The following CDH23 variants were observed in gnomAD, a reference collection of about 807,000 sequenced individuals.
CDH23 encodes cadherin related 23, also known as cadherin-23.
A neutral mutation model predicts 317.1 loss-of-function variants in CDH23; 189 were observed. That is an observed-to-expected ratio of 0.60 (90% CI 0.53 to 0.67). The LOEUF (loss-of-function observed/expected upper bound fraction) is 0.67, where lower values mean the gene tolerates loss of function less well. CDH23 is among the 30% of genes least tolerant of loss of function. CDH23 has a pLI of 0.00. For synonymous variants in CDH23, 1,839 were observed against 1,876.8 expected (o/e 0.98, Z 0.52); for missense variants, 4,401 against 4,592.4 (o/e 0.96, Z 1.20).
intron 3 of CDH23, among the ~76,000 whole-genome samples, chr10:71,504,574 A>G (rs115112766): frequency 0.017 from 2,606 of 152,256 alleles, 60 homozygotes; most frequent in African/African-American, 0.054. Flanking sequence ...ATGAGGTTAG[A>G]CTGGGCATGG....
rs74147036 is a variant in CDH23, at chr10:71,712,871, C to T, written c.3369+58C>T. 6,246 of 1,575,764 alleles carry T rather than the reference C, an allele frequency of 4.0e-3. 244 individuals are homozygous for T. In the African/African-American group the frequency reaches 0.073, roughly 19 times the overall value. ...GGGCTGGGGGAGGCGGAGCCACACACGGCCCTGAGGGCACATGCTCAGTGG... is the reference window on the plus strand; with the variant it reads ...GGGCTGGGGGAGGCGGAGCCACACATGGCCCTGAGGGCACATGCTCAGTGG... On this transcript the variant is annotated intron_variant, in intron 28 of 69. Transcript: ENST00000224721.
In CDH23 at chr10:71,675,193, A is replaced by C; in HGVS notation, c.1514+17A>C. 6.2e-7 allele frequency: 1 copy of C among 1,610,790 alleles called. No homozygotes were observed. Among genetic ancestry groups the C allele is most frequent in the South Asian group, 1.1e-5 (1 of 90,966 alleles). The stretch of plus-strand genomic sequence containing the variant: ...CCCTGACAGGTGAGACTCTGCCCAC[A>C]GCCCCTCAGGCCCCTCCGCAGTGGT... On this transcript the variant is annotated intron_variant, in intron 15 of 69. Transcript: ENST00000224721.
At chr10:71,705,416 C>G (rs914741402) in intron 25 of CDH23, among the ~76,000 whole-genome samples, 4 of 152,184 alleles carry the variant, frequency 2.6e-5, no homozygotes, top group Admixed American at 2.6e-4. Context: ...ATCGTGGCAA[C>G]AGCAGAGAGG....
At chr10:71,708,056 C>A (rs1865854230) in intron 26 of CDH23, among the ~76,000 whole-genome samples, 1 of 152,188 alleles carries the variant, frequency 6.6e-6, no homozygotes, top group Non-Finnish European at 1.5e-5. Flanking sequence ...TACTAAGACC[C>A]CTCACATGGC....
At position 71,810,447 on chromosome 10, in the gene CDH23, C is replaced by A. The variant is rs372752806; in HGVS notation, c.8980-25C>A. 2.4e-4 allele frequency: 392 copies of A among 1,610,814 alleles called. No individual in the cohort carries two copies. The African/African-American group carries it at 4.5e-3, about 19-fold the overall frequency. Reference sequence around the variant, plus strand: ...GTGGCCCCCTGCTGTGGTGGCCACACCCTACAATACCCCTTCTCATCTAGT... The same window carrying A: ...GTGGCCCCCTGCTGTGGTGGCCACAACCTACAATACCCCTTCTCATCTAGT... On this transcript the variant is annotated intron_variant, in intron 61 of 69. Coordinates refer to ENST00000224721, the MANE Select transcript of CDH23 (RefSeq NM_022124.6).
intron 1 of CDH23, among the ~76,000 whole-genome samples, chr10:71,427,206 AAAG>A (rs1849126942): frequency 1.4e-5 from 1 of 71,250 alleles, no homozygotes; most frequent in African/African-American, 6.1e-5. Flanking sequence ...AGAAAGAAAG[AAAG>A]AAAGAAAGAA....
In CDH23 at chr10:71,793,517, A is replaced by T; in HGVS notation, c.6589A>T (p.Thr2197Ser). The T allele has an allele frequency of 1.2e-6, 2 of 1,613,770 alleles. No homozygotes were observed. The highest frequency in any genetic ancestry group is 1.7e-6 in the Non-Finnish European group (2 of 1,179,832). The change falls in exon 48 of 70, where the codon ACG (threonine) becomes TCG (serine). Residue 2197 changes from threonine (T) to serine (S), a missense_variant. Transcript: ENST00000224721. ...GCCAGGCACTGTCATTGCCAATATCACGGCCATTGACCACGACCTCAACCC... is the reference window on the plus strand; with the variant it reads ...GCCAGGCACTGTCATTGCCAATATCTCGGCCATTGACCACGACCTCAACCC... ...AEPGTVIANI[T>S]AIDHDLNPKL...
rs1266676223 is a variant in CDH23 at position 71,732,338 on chromosome 10, C to T, written c.4067C>T (p.Thr1356Ile). ...ITYRFNAYTS[T>I]QAKALFKIDA... is the part of the protein sequence containing the mutation. ...TACCGCTTCAACGCCTACACCAGCA[C>T]CCAGGCCAAAGCCCTCTTCAAGATA... The change falls in exon 32 of 70, where the codon ACC becomes ATC. Residue 1356 changes from threonine (T) to isoleucine (I), a missense_variant. Coordinates refer to ENST00000224721, the MANE Select transcript of CDH23 (RefSeq NM_022124.6). 1.9e-6 allele frequency: 3 copies of T among 1,583,722 alleles called. No homozygotes were observed. In the South Asian group the frequency reaches 3.4e-5, roughly 18 times the overall value.
chr10:71,685,731 G>C (rs1429566136), intron 18 of CDH23, among the ~76,000 whole-genome samples: 1 of 152,232 alleles, frequency 6.6e-6, no homozygotes, highest in Non-Finnish European at 1.5e-5. Context: ...AAAGACAGGT[G>C]CCACCTTGGC....
At chr10:71,561,526 T>C (rs1857130943) in intron 6 of CDH23, among the ~76,000 whole-genome samples, 1 of 152,128 alleles carries the variant, frequency 6.6e-6, no homozygotes, top group African/African-American at 2.4e-5. Context: ...ACAAGATCCT[T>C]TGCACGGCAG....
chr10:71,737,821 C>T (rs761577698), intron 34 of CDH23: 16 of 466,286 alleles, frequency 3.4e-5, no homozygotes, highest in South Asian at 1.2e-4. Flanking sequence ...ACAAGAAGCC[C>T]GAGCCACAGA....
intron 9 of CDH23, among the ~76,000 whole-genome samples, chr10:71,593,449 T>C (rs1449486907): frequency 1.3e-5 from 2 of 152,218 alleles, no homozygotes; most frequent in African/African-American, 4.8e-5. Flanking sequence ...CCGGAGCACA[T>C]GCCATAGAAG....
At chr10:71,735,828 G>T (rs1275910687) in intron 34 of CDH23, among the ~76,000 whole-genome samples, 1 of 152,216 alleles carries the variant, frequency 6.6e-6, no homozygotes, top group Non-Finnish European at 1.5e-5. Context: ...TGATGGGCAA[G>T]AAGTCTCCAC....
intron 6 of CDH23, among the ~76,000 whole-genome samples, chr10:71,525,585 G>A (rs1056674828): frequency 6.6e-6 from 1 of 152,174 alleles, no homozygotes; most frequent in Admixed American, 6.5e-5. Context: ...TAGGGGTGGA[G>A]TGGTAGAGTC....
intron 14 of CDH23, among the ~76,000 whole-genome samples, chr10:71,656,483 G>A (rs985298797): frequency 2.6e-5 from 4 of 152,232 alleles, no homozygotes; most frequent in Admixed American, 6.5e-5. Flanking sequence ...AATGACAGTG[G>A]TGAGCCAGAC....
At chr10:71,541,486 C>G (rs1855987005) in intron 6 of CDH23, among the ~76,000 whole-genome samples, 1 of 152,226 alleles carries the variant, frequency 6.6e-6, no homozygotes, top group South Asian at 2.1e-4. Flanking sequence ...CTGCAGGCTG[C>G]TAGGAGGAAA....
chr10:71,544,453 G>C (rs971677669), intron 6 of CDH23, among the ~76,000 whole-genome samples: 32 of 152,212 alleles, frequency 2.1e-4, no homozygotes, highest in African/African-American at 7.7e-4. Context: ...GATGGGAGTA[G>C]GCTGGGGGCT....
intron 6 of CDH23, among the ~76,000 whole-genome samples, chr10:71,514,444 C>T (rs1854164560): frequency 6.6e-6 from 1 of 152,162 alleles, no homozygotes. Context: ...TGCCTGGAGA[C>T]ATGACCCACC....
rs370815402 is a variant in CDH23, at chr10:71,762,564, C to T, written c.4846-15116C>T. On this transcript the variant is annotated intron_variant, in intron 38 of 69. Coordinates refer to ENST00000224721, the MANE Select transcript of CDH23 (RefSeq NM_022124.6). ...AATGCATGGCCTCCCCTTGAGCAGA[C>T]GAGGCCTGCATTCCCGACAGCAGAA... Among the ~76,000 whole-genome samples, 42 of 152,338 alleles carry T rather than the reference C, an allele frequency of 2.8e-4. No individual in the cohort carries two copies. In the East Asian group the frequency reaches 2.9e-3, roughly 10 times the overall value.
Sources: gnomAD v4.1 joint callset for allele counts (sites outside exome capture counted in the v4.1 genomes callset) on GRCh38, gnomAD v4.1.1 for gene constraint, MANE v1.5 for transcripts, NCBI Gene and HGNC (gene_info 2026-07-23, HGNC 2026-07-21) for gene names.